SLC44A1: variants seen among roughly 807,000 people sequenced by gnomAD.
SLC44A1 encodes the protein solute carrier family 44 member 1, also known as choline transporter-like protein 1.
A neutral mutation model predicts 79.3 loss-of-function variants in SLC44A1; 26 were observed. That is an observed-to-expected ratio of 0.33 (90% confidence interval 0.24 to 0.46). SLC44A1 has a LOEUF of 0.46. Ranked by LOEUF, SLC44A1 falls within the 20% of genes least tolerant of loss-of-function variation. SLC44A1 has a pLI of 1.00. For synonymous variants in SLC44A1, 263 were observed against 286.2 expected (o/e 0.92, Z 0.82); for missense variants, 688 against 798.1 (o/e 0.86, Z 1.66).
intron 1 of SLC44A1, among the ~76,000 whole-genome samples, chr9:105,296,845 A>G (rs1244990447): frequency 1.3e-5 from 2 of 152,186 alleles, no homozygotes; most frequent in Non-Finnish European, 2.9e-5. Flanking sequence ...AGTTTTTCCT[A>G]GTCATAACAA....
chr9:105,426,801 T>C (rs569710397), intron 15 of SLC44A1, among the ~76,000 whole-genome samples: 21 of 152,336 alleles, frequency 1.4e-4, no homozygotes, highest in African/African-American at 5.1e-4. Context: ...TTGCTCATTA[T>C]AGATAAAATA....
In SLC44A1 at chr9:105,390,514, A is replaced by C. The variant is rs1311876130; in HGVS notation, c.*1458A>C. On this transcript the variant is annotated 3_prime_UTR_variant, in exon 16 of 16. Coordinates refer to ENST00000374720, the MANE Select transcript of SLC44A1 (RefSeq NM_080546.5). ...TTGAAAGAAAGCATTGCCTCCTACC[A>C]GAACTAGACAGTGAATTAGATCGGT... 8.1e-6 allele frequency: 8 copies of C among 984,444 alleles called. No homozygotes were observed. Among genetic ancestry groups the C allele is most frequent in the Non-Finnish European group, 9.6e-6 (8 of 829,672 alleles). 61.0% of individuals were successfully genotyped at this position (984,444 alleles called of 1,614,324 possible).
intron 15 of SLC44A1, among the ~76,000 whole-genome samples, chr9:105,431,602 A>G (rs10441743): frequency 0.041 from 6,240 of 152,290 alleles, 406 homozygotes; most frequent in African/African-American, 0.14. Flanking sequence ...AGGATCATAA[A>G]AAGGGCATGC....
At chr9:105,259,296 G>A (rs1829787265) in intron 1 of SLC44A1, among the ~76,000 whole-genome samples, 1 of 152,128 alleles carries the variant, frequency 6.6e-6, no homozygotes, top group South Asian at 2.1e-4. Flanking sequence ...AATAAGTAAT[G>A]GATATTTATA....
intron 1 of SLC44A1, among the ~76,000 whole-genome samples, chr9:105,286,077 G>A (rs560615730): frequency 8.5e-5 from 13 of 152,228 alleles, no homozygotes; most frequent in Admixed American, 3.9e-4. Context: ...CTCCAGCCTG[G>A]GCGACAGAGT....
At chr9:105,362,758 T>C (rs1003725685) in intron 8 of SLC44A1, 63 bp from the exon 9 acceptor site, 43 of 1,302,752 alleles carry the variant, frequency 3.3e-5, no homozygotes, top group Admixed American at 2.2e-4. Flanking sequence ...TAAAAATTTC[T>C]ACTATTTTCG....
At chr9:105,278,710 A>C (rs1046828555) in intron 1 of SLC44A1, among the ~76,000 whole-genome samples, 3 of 152,214 alleles carry the variant, frequency 2.0e-5, no homozygotes, top group African/African-American at 7.2e-5. Context: ...CTGCATTTGC[A>C]GCTTTGCCAG....
Position 105,396,532 on chromosome 9 carries a change from A to G in SLC44A1, c.*7476A>G, listed in dbSNP as rs902964049. The G allele has an allele frequency of 1.5e-5, 15 of 985,328 alleles. No homozygotes were observed. Among genetic ancestry groups the G allele is most frequent in the African/African-American group, 5.2e-5 (3 of 57,232 alleles). The allele number at this position is 985,328 out of a possible 1,614,324, so 61.0% of individuals were successfully genotyped here. Reference sequence around the variant, plus strand: ...GGCGGCCAAATTTAAAGATCAGTCAATACAGTAGGGACCTGCTATTGATCT... The same window carrying G: ...GGCGGCCAAATTTAAAGATCAGTCAGTACAGTAGGGACCTGCTATTGATCT... On this transcript the variant is annotated 3_prime_UTR_variant, in exon 16 of 16. Transcript: ENST00000374720.
rs1564452649 is a variant in SLC44A1 at position 105,351,582 on chromosome 9, GAGAA to G, written c.500+3135_500+3138del. Among the ~76,000 whole-genome samples the G allele has an allele frequency of 7.5e-4, 82 of 109,900 alleles. 1 individual carries two copies. Among genetic ancestry groups the G allele is most frequent in the African/African-American group, 2.7e-3 (69 of 26,020 alleles). 72.1% of individuals were successfully genotyped at this position (109,900 alleles called of 152,430 possible). A position where few individuals can be genotyped will look rare whatever the true frequency, so the allele number is the denominator to read the frequency against. ...AGAGAAAGAGAGAAAGAGAGAAAGA[GAGAA>G]AGAGAGAAAGAGAAAGAAAGAAAGA... On this transcript the variant is annotated intron_variant, in intron 5 of 15. Coordinates refer to ENST00000374720, the MANE Select transcript of SLC44A1 (RefSeq NM_080546.5).
intron 13 of SLC44A1, among the ~76,000 whole-genome samples, chr9:105,376,066 T>G (rs145443320): frequency 2.0e-5 from 3 of 152,272 alleles, no homozygotes; most frequent in Admixed American, 2.0e-4. Flanking sequence ...AAATACTATT[T>G]GTAAACATTC....
chr9:105,285,925 A>T (rs1336948564), intron 1 of SLC44A1, among the ~76,000 whole-genome samples: 1 of 152,000 alleles, frequency 6.6e-6, no homozygotes, highest in African/African-American at 2.4e-5. Context: ...ACATGATGAA[A>T]CCCCGTCTCT....
At position 105,389,116 on chromosome 9, in the gene SLC44A1, T is replaced by A; in HGVS notation, c.*60T>A. 3 of 1,596,274 alleles carry A rather than the reference T, an allele frequency of 1.9e-6. No homozygotes were observed. On this transcript the variant is annotated 3_prime_UTR_variant, in exon 16 of 16. Coordinates refer to ENST00000374720, the MANE Select transcript of SLC44A1 (RefSeq NM_080546.5). The stretch of plus-strand genomic sequence containing the variant: ...CCAAAACAATATATACACATAACTA[T>A]GTATTTGTGTGTGTGGGTGTGTGTA...
chr9:105,278,393 C>T (rs1160490709), intron 1 of SLC44A1, among the ~76,000 whole-genome samples: 13 of 152,268 alleles, frequency 8.5e-5, no homozygotes, highest in East Asian at 5.8e-4. Flanking sequence ...GGACTACGGG[C>T]GCCCGCCACC....
intron 13 of SLC44A1, among the ~76,000 whole-genome samples, chr9:105,381,733 A>G (rs1231615971): frequency 6.6e-6 from 1 of 152,206 alleles, no homozygotes; most frequent in Non-Finnish European, 1.5e-5. Flanking sequence ...GGAGTCTTCC[A>G]AAGCTTGGGC....
At chr9:105,361,678 T>A (rs1263516944) in intron 8 of SLC44A1, among the ~76,000 whole-genome samples, 1 of 152,222 alleles carries the variant, frequency 6.6e-6, no homozygotes, top group Non-Finnish European at 1.5e-5. Context: ...TTAAAAAATA[T>A]ATCATTCCAT....
chr9:105,284,909 C>G (rs528599903), intron 1 of SLC44A1, among the ~76,000 whole-genome samples: 11 of 152,260 alleles, frequency 7.2e-5, no homozygotes, highest in African/African-American at 2.6e-4. Context: ...AAAGAAACCC[C>G]ATACCCATTA....
chr9:105,431,330 A>C (rs1829391001), intron 15 of SLC44A1, among the ~76,000 whole-genome samples: 1 of 152,260 alleles, frequency 6.6e-6, no homozygotes, highest in South Asian at 2.1e-4. Flanking sequence ...TTGGACAACA[A>C]CTATTTTTTT....
chr9:105,279,906 C>T (rs1376739703), intron 1 of SLC44A1, among the ~76,000 whole-genome samples: 1 of 152,096 alleles, frequency 6.6e-6, no homozygotes, highest in Non-Finnish European at 1.5e-5. Flanking sequence ...TTAGCAATAA[C>T]CAGTTAGAAA....
chr9:105,244,836 C>T lies in SLC44A1; in HGVS notation c.-33C>T, dbSNP rs1206428141. ...GGGGCTCCGGGGCGTAGCTGCGCGC[C>T]CGGCGCCGCCTCCGGGCTCCTTCGG... On this transcript the variant is annotated 5_prime_UTR_variant, in exon 1 of 16. Coordinates refer to ENST00000374720, the MANE Select transcript of SLC44A1 (RefSeq NM_080546.5). 6 of 1,110,312 alleles carry T rather than the reference C, an allele frequency of 5.4e-6. No homozygotes were observed. Among genetic ancestry groups the T allele is most frequent in the Non-Finnish European group, 6.6e-6 (6 of 911,814 alleles). The allele number at this position is 1,110,312 out of a possible 1,614,324, so 68.8% of individuals were successfully genotyped here.
Sources: gnomAD v4.1 joint callset for allele counts (sites outside exome capture counted in the v4.1 genomes callset) on GRCh38, gnomAD v4.1.1 for gene constraint, MANE v1.5 for transcripts, NCBI Gene and HGNC (gene_info 2026-07-23, HGNC 2026-07-21) for gene names.